The following OPN5 variants were observed in gnomAD, a reference collection of about 807,000 sequenced individuals.
The protein encoded by OPN5 is opsin-5.
Under a neutral mutation model 41.7 loss-of-function variants are expected in OPN5, and 18 were observed. The observed-to-expected ratio is 0.43, with a 90% CI of 0.30 to 0.64. OPN5 has a LOEUF of 0.64. OPN5 is among the 30% of genes least tolerant of loss of function. OPN5 has a pLI of 0.13. For missense variants in OPN5, 318 were observed against 434.5 expected, an observed-to-expected ratio of 0.73 and a Z score of 2.38; for synonymous variants, 178 against 164.3, an observed-to-expected ratio of 1.08 and a Z score of -0.64.
intron 6 of OPN5, among the ~76,000 whole-genome samples, chr6:47,812,109 C>T (rs138955345): frequency 1.3e-5 from 2 of 152,148 alleles, no homozygotes; most frequent in South Asian, 2.1e-4. Context: ...GTTAGGGAGG[C>T]AGTTTCTGGG....
intron 6 of OPN5, among the ~76,000 whole-genome samples, chr6:47,812,672 T>C (rs1272229423): frequency 6.6e-6 from 1 of 152,140 alleles, no homozygotes; most frequent in African/African-American, 2.4e-5. Context: ...TTTCTCCTAA[T>C]CTGATAAGCA....
intron 4 of OPN5, among the ~76,000 whole-genome samples, chr6:47,802,336 G>C (rs1405327233): frequency 6.6e-6 from 1 of 152,040 alleles, no homozygotes; most frequent in Admixed American, 6.6e-5. Flanking sequence ...GTAAACTGCA[G>C]CTTCCCAGTG....
At chr6:47,792,500 G>T (rs1161588423) in intron 3 of OPN5, among the ~76,000 whole-genome samples, 2 of 151,876 alleles carry the variant, frequency 1.3e-5, no homozygotes, top group Non-Finnish European at 2.9e-5. Flanking sequence ...ATTTTTTTTT[G>T]TGGTGTTGGT....
intron 4 of OPN5, among the ~76,000 whole-genome samples, chr6:47,804,028 C>T (rs534194070): frequency 5.9e-5 from 9 of 152,178 alleles, no homozygotes; most frequent in African/African-American, 1.9e-4. Context: ...CCACATTATT[C>T]GATTATTGCT....
At chr6:47,816,056 C>T (rs1762420150) in intron 6 of OPN5, among the ~76,000 whole-genome samples, 1 of 152,218 alleles carries the variant, frequency 6.6e-6, no homozygotes, top group African/African-American at 2.4e-5. Flanking sequence ...CAGGTATACA[C>T]GTGCTTTGTT....
At chr6:47,807,281 T>C (rs1333910674) in intron 4 of OPN5, among the ~76,000 whole-genome samples, 4 of 152,218 alleles carry the variant, frequency 2.6e-5, no homozygotes, top group African/African-American at 9.6e-5. Flanking sequence ...ACTCAGGCTC[T>C]AGGTTTTACT....
intron 4 of OPN5, among the ~76,000 whole-genome samples, chr6:47,800,191 A>G (rs1173239984): frequency 1.3e-5 from 2 of 152,190 alleles, no homozygotes; most frequent in Admixed American, 1.3e-4. Context: ...GCATTACAAT[A>G]AAGAGTTTAA....
intron 6 of OPN5, among the ~76,000 whole-genome samples, chr6:47,814,629 C>T (rs1394560934): frequency 1.3e-5 from 2 of 152,182 alleles, no homozygotes; most frequent in South Asian, 2.1e-4. Flanking sequence ...AACAAGGAGT[C>T]ATTGAAGTTT....
At chr6:47,817,955 T>G (rs1299778385) in intron 6 of OPN5, among the ~76,000 whole-genome samples, 1 of 152,130 alleles carries the variant, frequency 6.6e-6, no homozygotes. Context: ...CCCATTCACC[T>G]CTTCAAGAAA....
At chr6:47,786,790 A>G (rs1773206846) in intron 2 of OPN5, among the ~76,000 whole-genome samples, 156 bp downstream of exon 2, 1 of 152,172 alleles carries the variant, frequency 6.6e-6, no homozygotes, top group African/African-American at 2.4e-5. Context: ...GTGGTAAGTC[A>G]ATGGGGTGCT....
At chr6:47,801,001 T>C (rs1248245264) in intron 4 of OPN5, among the ~76,000 whole-genome samples, 1 of 152,244 alleles carries the variant, frequency 6.6e-6, no homozygotes, top group Non-Finnish European at 1.5e-5. Context: ...TGAATTTCTC[T>C]TAGTGTCCCT....
chr6:47,802,548 A>G (rs1211679853), intron 4 of OPN5, among the ~76,000 whole-genome samples: 1 of 152,168 alleles, frequency 6.6e-6, no homozygotes, highest in East Asian at 1.9e-4. Flanking sequence ...TAAACTCTGC[A>G]TGTCTATGAA....
intron 2 of OPN5, among the ~76,000 whole-genome samples, chr6:47,787,472 T>A (rs1773226460): frequency 6.6e-6 from 1 of 152,226 alleles, no homozygotes. Flanking sequence ...CTCTAATCTG[T>A]CTTTGAATCC....
intron 6 of OPN5, among the ~76,000 whole-genome samples, chr6:47,817,625 G>T (rs1762470375): frequency 6.6e-6 from 1 of 152,122 alleles, no homozygotes; most frequent in Non-Finnish European, 1.5e-5. Flanking sequence ...ATCAGAATCT[G>T]TAATTTAACA....
intron 3 of OPN5, among the ~76,000 whole-genome samples, chr6:47,792,580 T>C (rs552158261): frequency 1.3e-5 from 2 of 152,334 alleles, no homozygotes; most frequent in African/African-American, 4.8e-5. Flanking sequence ...ACTAAATATA[T>C]GTTTTTTAAT....
intron 4 of OPN5, among the ~76,000 whole-genome samples, chr6:47,796,569 T>C (rs1773579195): frequency 1.3e-5 from 2 of 152,104 alleles, no homozygotes; most frequent in Non-Finnish European, 2.9e-5. Flanking sequence ...AAGATAAAAA[T>C]AAAGGTAGAT....
At chr6:47,792,113 T>C in intron 3 of OPN5, 141 bp downstream of exon 3, 2 of 633,244 alleles carry the variant, frequency 3.2e-6, no homozygotes, top group Admixed American at 3.2e-5. Context: ...TAGCCTATCA[T>C]CTTGTTCTGA....
Position 47,811,665 on chromosome 6 carries a change from T to C in OPN5, c.999-9T>C, listed in dbSNP as rs1774209003. 6.2e-7 allele frequency: 1 copy of C among 1,606,350 alleles called. No homozygotes were observed. The highest frequency in any genetic ancestry group is 1.7e-5 in the Admixed American group (1 of 59,916). ...ATATTAAATTGCATTTTTCTTCTCC[T>C]ATATCTAGGCTGCACACCGTAACCA... On this transcript the variant is annotated splice_polypyrimidine_tract_variant and intron_variant, in intron 5 of 6. Coordinates refer to ENST00000371211, the Ensembl canonical transcript of OPN5.
intron 6 of OPN5, among the ~76,000 whole-genome samples, chr6:47,813,637 G>A (rs1264620172): frequency 6.6e-6 from 1 of 152,136 alleles, no homozygotes; most frequent in Admixed American, 6.6e-5. Flanking sequence ...AGTGTGGAAG[G>A]TGGATTGTCT....
Sources: gnomAD v4.1 joint callset for allele counts (sites outside exome capture counted in the v4.1 genomes callset) on GRCh38, gnomAD v4.1.1 for gene constraint, MANE v1.5 for transcripts, NCBI Gene and HGNC (gene_info 2026-07-23, HGNC 2026-07-21) for gene names.